The following EPAS1 variants were observed in gnomAD, a reference collection of about 807,000 sequenced individuals.
EPAS1 encodes the protein endothelial PAS domain protein 1, also known as endothelial PAS domain-containing protein 1.
A neutral mutation model predicts 87.9 loss-of-function variants in EPAS1; 23 were observed. That is an observed-to-expected ratio of 0.26 (90% CI 0.19 to 0.37). The LOEUF is 0.37. Among genes scored for constraint, EPAS1 ranks in the 10% least tolerant of loss-of-function variants. The probability of loss-of-function intolerance (pLI) is 1.00; values close to 1 mark genes in which losing one functional copy is unlikely to be tolerated. For synonymous variants in EPAS1, 508 were observed against 444.3 expected (o/e 1.14, Z -1.80); for missense variants, 1,138 against 1,120.7 (o/e 1.02, Z -0.22).
intron 2 of EPAS1, among the ~76,000 whole-genome samples, chr2:46,355,632 T>C (rs1036779399): frequency 3.9e-5 from 6 of 152,234 alleles, no homozygotes; most frequent in Non-Finnish European, 7.3e-5. Flanking sequence ...CGACTACCAT[T>C]ATATTCAGGC....
In EPAS1 at chr2:46,360,591, C is replaced by A; in HGVS notation, c.455-47C>A. On this transcript the variant is annotated intron_variant, in intron 4 of 15. Transcript: ENST00000263734. This position sits in a 1 kb window ranked among gnomAD's most constrained non-coding sequence, Gnocchi z 4.5. ...CAGCTGGGCCCCTCTCATGAATATC[C>A]ATATAAAACTGACTTCAGCTGGTTC... 6.6e-7 allele frequency: 1 copy of A among 1,518,554 alleles called. No individual in the cohort carries two copies. Among genetic ancestry groups the A allele is most frequent in the South Asian group, 1.1e-5 (1 of 89,012 alleles). 94.1% of individuals were successfully genotyped at this position (1,518,554 alleles called of 1,614,324 possible).
chr2:46,302,119 T>TCTCTGTGTGC (rs1683014425), intron 1 of EPAS1, among the ~76,000 whole-genome samples: 1 of 13,556 alleles, frequency 7.4e-5, no homozygotes, highest in Admixed American at 2.2e-3. Context: ...TCTTTCTCTC[T>TCTCTGTGTGC]GTGTGTGTGT....
At chr2:46,327,197 A>T (rs1235957730) in intron 1 of EPAS1, among the ~76,000 whole-genome samples, 1 of 152,184 alleles carries the variant, frequency 6.6e-6, no homozygotes, top group Non-Finnish European at 1.5e-5. Flanking sequence ...CCGTGATTTC[A>T]TGGTTGAATA....
In EPAS1 at chr2:46,308,460, T is replaced by G. The variant is rs867714006; in HGVS notation, c.26+10523T>G. Among the ~76,000 whole-genome samples the G allele has an allele frequency of 3.2e-3, 350 of 109,260 alleles. 3 individuals carry two copies. Among genetic ancestry groups the G allele is most frequent in the Middle Eastern group, 0.011 (2 of 186 alleles). 71.7% of individuals were successfully genotyped at this position (109,260 alleles called of 152,430 possible). ...CCCTAATACCTTGCTTGCTTTTTTT[T>G]GGGGGGGGGGGCTCTGAAATCATGC... On this transcript the variant is annotated intron_variant, in intron 1 of 15. Transcript: ENST00000263734.
chr2:46,313,711 A>G (rs989659078), intron 1 of EPAS1, among the ~76,000 whole-genome samples: 1 of 152,174 alleles, frequency 6.6e-6, no homozygotes, highest in African/African-American at 2.4e-5. Flanking sequence ...TTGGCCTCCC[A>G]AAGTGCTGGG....
At chr2:46,368,586 G>C (rs184941470) in intron 6 of EPAS1, among the ~76,000 whole-genome samples, 1 of 152,300 alleles carries the variant, frequency 6.6e-6, no homozygotes, top group East Asian at 1.9e-4. Context: ...TATGCAAGTT[G>C]ACCTGTTTGG....
intron 1 of EPAS1, among the ~76,000 whole-genome samples, chr2:46,328,249 G>C (rs1683603742): frequency 6.6e-6 from 1 of 152,214 alleles, no homozygotes; most frequent in African/African-American, 2.4e-5. Context: ...GGAGAGCTAG[G>C]AGCTTGAGTG....
intron 9 of EPAS1, 109 bp downstream of exon 9, chr2:46,376,862 C>A: frequency 8.8e-7 from 1 of 1,140,948 alleles, no homozygotes; most frequent in East Asian, 2.5e-5. Context: ...CAGAGCTACC[C>A]CAGCCCCCCA....
chr2:46,353,306 T>A (rs1684207865), intron 2 of EPAS1, among the ~76,000 whole-genome samples: 1 of 152,216 alleles, frequency 6.6e-6, no homozygotes, highest in South Asian at 2.1e-4. Flanking sequence ...AGGGTCAGCG[T>A]CACCTGGGAA....
intron 1 of EPAS1, among the ~76,000 whole-genome samples, chr2:46,341,152 A>C (rs192876311): frequency 2.5e-4 from 38 of 152,286 alleles, no homozygotes; most frequent in African/African-American, 8.4e-4. Context: ...CTTCATCTCA[A>C]ACATTTTTGT....
In EPAS1 at chr2:46,378,048, C is replaced by T; in HGVS notation, c.1404C>T (p.Thr468=). The T allele has an allele frequency of 1.9e-6, 3 of 1,606,792 alleles. No individual in the cohort carries two copies. The highest frequency in any genetic ancestry group is 2.5e-6 in the Non-Finnish European group (3 of 1,177,776). The part of the protein sequence containing the change: ...TVPQAAAPGS[T]TPSATSSSSS... ...CCCAGGCAGCTGCCCCGGGCAGCAC[C>T]ACCCCCAGTGCCACCAGCAGCAGCA... Residue 468 remains threonine, a synonymous_variant, in exon 10 of 16, where the codon ACC becomes ACT. Coordinates refer to ENST00000263734, the MANE Select transcript of EPAS1 (RefSeq NM_001430.5).
intron 2 of EPAS1, among the ~76,000 whole-genome samples, chr2:46,352,096 T>C (rs1684173902): frequency 6.6e-6 from 1 of 152,216 alleles, no homozygotes; most frequent in South Asian, 2.1e-4. Flanking sequence ...GCAGAGCACC[T>C]CTGGTTTTAA....
intron 15 of EPAS1, among the ~76,000 whole-genome samples, chr2:46,383,230 A>G (rs1401091966): frequency 1.3e-5 from 2 of 152,102 alleles, no homozygotes; most frequent in African/African-American, 4.8e-5. Context: ...TTGGGGTGTC[A>G]CTCTGAGTTC....
intron 1 of EPAS1, among the ~76,000 whole-genome samples, chr2:46,319,928 A>G (rs1469044773): frequency 6.6e-6 from 1 of 152,210 alleles, no homozygotes; most frequent in African/African-American, 2.4e-5. Flanking sequence ...AAACATATTT[A>G]AGAGTTCCCA....
chr2:46,350,250 ACATTCATTATT>A (rs1360203277), intron 2 of EPAS1, among the ~76,000 whole-genome samples: 1 of 152,206 alleles, frequency 6.6e-6, no homozygotes, highest in African/African-American at 2.4e-5. Flanking sequence ...AACAACCCAC[ACATTCATTATT>A]TAAGCATTTC....
At chr2:46,354,593 CG>C (rs1684233860) in intron 2 of EPAS1, among the ~76,000 whole-genome samples, 1 of 149,640 alleles carries the variant, frequency 6.7e-6, no homozygotes, top group Non-Finnish European at 1.5e-5. Context: ...TGGGTGGTTC[CG>C]GGTGGAAGTT....
intron 4 of EPAS1, among the ~76,000 whole-genome samples, chr2:46,358,535 C>A (rs925100065): frequency 5.3e-5 from 8 of 152,232 alleles, no homozygotes; most frequent in African/African-American, 1.9e-4. Flanking sequence ...TGACCATAGT[C>A]TGAGTTTGAG....
chr2:46,314,481 G>C (rs918550051), intron 1 of EPAS1, among the ~76,000 whole-genome samples: 1 of 152,158 alleles, frequency 6.6e-6, no homozygotes, highest in Non-Finnish European at 1.5e-5. Context: ...TTCTGTTCAG[G>C]AAAACGTCCT....
At chr2:46,341,469 T>C (rs1683912055) in intron 1 of EPAS1, among the ~76,000 whole-genome samples, 1 of 152,234 alleles carries the variant, frequency 6.6e-6, no homozygotes, top group African/African-American at 2.4e-5. Context: ...CCAAGGTGGC[T>C]TCTTTGAAGG....
Sources: allele counts gnomAD v4.1 joint callset (sites outside exome capture counted in the v4.1 genomes callset), GRCh38; gene constraint gnomAD v4.1.1; non-coding constraint Gnocchi (gnomAD v3.1); transcripts MANE v1.5; gene names NCBI Gene and HGNC (gene_info 2026-07-23, HGNC 2026-07-21).